FAM120AOS: variants seen among roughly 807,000 people sequenced by gnomAD.
FAM120AOS encodes family with sequence similarity 120 member A opposite strand.
In FAM120AOS, 15 loss-of-function variants were observed where a neutral mutation model predicts 20.2. The ratio of observed to expected loss-of-function variants is 0.74; its 90% confidence interval spans 0.50 to 1.15. FAM120AOS has a LOEUF of 1.15. FAM120AOS is among the 50% of genes most tolerant of loss of function. The pLI, the probability that FAM120AOS is intolerant of heterozygous loss-of-function variation, is 0.00. For missense variants in FAM120AOS, 327 were observed against 351.9 expected (o/e 0.93, Z 0.57); for synonymous variants, 154 against 154.0 (o/e 1.00, Z 0.00).
rs1856796907 is a variant in FAM120AOS, at chr9:93,444,908, C to T, written c.*2703G>A. Among the ~76,000 whole-genome samples the T allele has an allele frequency of 6.6e-6, 1 of 152,118 alleles. No homozygotes were observed. Among genetic ancestry groups the T allele is most frequent in the South Asian group, 2.1e-4 (1 of 4,834 alleles). ...GGATTACAGGAATGAGCCACTGCAC[C>T]CGGCCAGTTCTGCATTTCTTAAGAG... On this transcript the variant is annotated 3_prime_UTR_variant, in exon 3 of 3. Coordinates refer to ENST00000375412, the MANE Select transcript of FAM120AOS (RefSeq NM_198841.4).
rs752354367 is a variant in FAM120AOS, at chr9:93,443,498, A to G, written c.*4113T>C. ...TGGAAGGTCATTTTTACAGTTCTGA[A>G]CTGCTGTGCAGTGAGGACTGTCTGT... On this transcript the variant is annotated 3_prime_UTR_variant, in exon 3 of 3. Transcript: ENST00000375412. 3.9e-5 allele frequency among the ~76,000 whole-genome samples: 6 copies of G among 152,218 alleles called. No individual in the cohort carries two copies. The highest frequency in any genetic ancestry group is 7.3e-5 in the Non-Finnish European group (5 of 68,036).
chr9:93,448,423 A>C, intron 2 of FAM120AOS: 1 of 201,600 alleles, frequency 5.0e-6, no homozygotes, highest in Non-Finnish European at 1.1e-5. Flanking sequence ...AACCTGGGAG[A>C]GGGAGGTTGC....
intron 1 of FAM120AOS, chr9:93,451,447 G>C: frequency 1.6e-6 from 2 of 1,226,036 alleles, no homozygotes; most frequent in Non-Finnish European, 2.1e-6. Context: ...TGAGGCGGGC[G>C]AACGGCCTCT....
rs114589685 is a variant in FAM120AOS, at chr9:93,451,304, A to C, written c.564-705T>G. The C allele has an allele frequency of 1.1e-3, 1,603 of 1,455,442 alleles. 26 individuals are homozygous for C. The African/African-American group carries it at 0.021, about 19-fold the overall frequency. 90.2% of individuals were successfully genotyped at this position (1,455,442 alleles called of 1,614,324 possible). On this transcript the variant is annotated intron_variant, in intron 1 of 2. Coordinates refer to ENST00000375412, the MANE Select transcript of FAM120AOS (RefSeq NM_198841.4). ...GCGCCATCTTATCGCTGCTTCCCTC[A>C]GGAGCAGGCGAGCTCTTCCCCAGGA... is the stretch of plus-strand genomic sequence containing the variant.
At chr9:93,450,975 G>T in intron 1 of FAM120AOS, 1 of 1,481,572 alleles carries the variant, frequency 6.7e-7, no homozygotes, top group South Asian at 1.2e-5. Flanking sequence ...CTTCCGTGAC[G>T]AGCAGGCGCT....
At position 93,446,721 on chromosome 9, in the gene FAM120AOS, T is replaced by C. The variant is rs532369296; in HGVS notation, c.*890A>G. ...CTCTTGGAGTTGCCTAGAGAGTCTATAGCACTCATCTGAAGGCCCTCCATG... is the reference window on the plus strand; with the variant it reads ...CTCTTGGAGTTGCCTAGAGAGTCTACAGCACTCATCTGAAGGCCCTCCATG... On this transcript the variant is annotated 3_prime_UTR_variant, in exon 3 of 3. Coordinates refer to ENST00000375412, the MANE Select transcript of FAM120AOS (RefSeq NM_198841.4). 2.0e-5 allele frequency: 3 copies of C among 152,276 alleles called. No individual in the cohort carries two copies. The highest frequency in any genetic ancestry group is 2.9e-5 in the Non-Finnish European group (2 of 68,036). The allele number at this position is 152,276 out of a possible 1,614,324, so 9.4% of individuals were successfully genotyped here. A position where few individuals can be genotyped will look rare whatever the true frequency, so the allele number is the denominator to read the frequency against.
At position 93,445,594 on chromosome 9, in the gene FAM120AOS, T is replaced by G. The variant is rs979978510; in HGVS notation, c.*2017A>C. On this transcript the variant is annotated 3_prime_UTR_variant, in exon 3 of 3. Coordinates refer to ENST00000375412, the MANE Select transcript of FAM120AOS (RefSeq NM_198841.4). ...TCATAAAAATCGTTGTTTTTTTTTT[T>G]TTTTTTTTTTTTTGAGACAAGGCCT... Among the ~76,000 whole-genome samples the G allele has an allele frequency of 1.4e-5, 2 of 143,298 alleles. No homozygotes were observed. Among genetic ancestry groups the G allele is most frequent in the African/African-American group, 2.6e-5 (1 of 37,914 alleles). The allele number at this position is 143,298 out of a possible 152,430, so 94.0% of individuals were successfully genotyped here.
Position 93,445,728 on chromosome 9 carries a change from C to A in FAM120AOS, c.*1883G>T, listed in dbSNP as rs1475490510. Among the ~76,000 whole-genome samples, 1 of 151,772 alleles carries A rather than the reference C, an allele frequency of 6.6e-6. No individual in the cohort carries two copies. The highest frequency in any genetic ancestry group is 1.5e-5 in the Non-Finnish European group (1 of 68,002). On this transcript the variant is annotated 3_prime_UTR_variant, in exon 3 of 3. Coordinates refer to ENST00000375412, the MANE Select transcript of FAM120AOS (RefSeq NM_198841.4). ...ACCTCAGCCTCCTGAGAAGATGGGA[C>A]TACAGGTGCACACCTCACCTGGCTA...
intron 1 of FAM120AOS, chr9:93,451,544 C>A (rs1157087846): frequency 8.1e-6 from 8 of 986,858 alleles, no homozygotes; most frequent in Non-Finnish European, 9.6e-6. Flanking sequence ...GCCGCCGCCT[C>A]CGGGAGCCCC....
Position 93,447,661 on chromosome 9 carries a change from T to C in FAM120AOS, c.721A>G (p.Lys241Glu), listed in dbSNP as rs10821128. ...AGTGTTGGTGGTTTTGTGGTTTTCT[T>C]TGAGACTTTGTTATTGACAGAACAG... ...RSCSVNNKVS[K>E]KTTKPPTLRS... The change falls in exon 3 of 3, where the codon AAG (lysine) becomes GAG (glutamate). Residue 241 changes from lysine (K) to glutamate (E), a missense_variant. Physicochemically the swap from Lys to Glu is moderately conservative, Grantham distance 56 (BLOSUM62 1). This residue lies in a region of FAM120AOS where 86 missense variants were observed against 82.9 expected (regional missense o/e 1.04). Coordinates refer to ENST00000375412, the MANE Select transcript of FAM120AOS (RefSeq NM_198841.4). 505,334 of 1,611,902 alleles carry C rather than the reference T, an allele frequency of 0.31. 84,007 individuals are homozygous for C. The highest frequency in any genetic ancestry group is 0.47 in the East Asian group (20,874 of 44,858).
At position 93,452,114 on chromosome 9, in the gene FAM120AOS, A is replaced by G; in HGVS notation, c.563+33T>C. The G allele has an allele frequency of 1.2e-6, 2 of 1,610,396 alleles. No individual in the cohort carries two copies. Among genetic ancestry groups the G allele is most frequent in the Non-Finnish European group, 8.5e-7 (1 of 1,179,410 alleles). The stretch of plus-strand genomic sequence containing the variant: ...CGGCGGCTTCTACACCGACTGGGTC[A>G]GCGGCGGCCAGTGGAACCACATGCT... On this transcript the variant is annotated intron_variant, in intron 1 of 2. Transcript: ENST00000375412. This position sits in a 1 kb window ranked among gnomAD's most constrained non-coding sequence, Gnocchi z 7.0.
At chr9:93,448,084 A>G (rs1482709987) in intron 2 of FAM120AOS, among the ~76,000 whole-genome samples, 7 of 152,224 alleles carry the variant, frequency 4.6e-5, no homozygotes, top group Non-Finnish European at 8.8e-5. Context: ...CTGGTCTCCC[A>G]ACATCTGCTA....
rs1439246026 is a variant in FAM120AOS, at chr9:93,447,710, A to C, written c.685-13T>G. 3 of 1,600,214 alleles carry C rather than the reference A, an allele frequency of 1.9e-6. No individual in the cohort carries two copies. Among genetic ancestry groups the C allele is most frequent in the Non-Finnish European group, 2.6e-6 (3 of 1,170,400 alleles). ...AGCTTCTGGAAATCTGAAAAGAAAA[A>C]AAAAAAGGTAGTTTATATATTAGTT... On this transcript the variant is annotated splice_polypyrimidine_tract_variant and intron_variant, in intron 2 of 2. Coordinates refer to ENST00000375412, the MANE Select transcript of FAM120AOS (RefSeq NM_198841.4).
rs991899754 is a variant in FAM120AOS, at chr9:93,445,302, T to A, written c.*2309A>T. On this transcript the variant is annotated 3_prime_UTR_variant, in exon 3 of 3. Coordinates refer to ENST00000375412, the MANE Select transcript of FAM120AOS (RefSeq NM_198841.4). ...AGGTCTGAGAAAAAATAAAAAAAAA[T>A]TGTGTATAGTTTTGGTGAGATCGTC... Among the ~76,000 whole-genome samples, 1 of 149,998 alleles carries A rather than the reference T, an allele frequency of 6.7e-6. No homozygotes were observed. Among genetic ancestry groups the A allele is most frequent in the East Asian group, 1.9e-4 (1 of 5,144 alleles).
intron 1 of FAM120AOS, chr9:93,450,985 T>A: frequency 2.6e-6 from 4 of 1,521,028 alleles, no homozygotes; most frequent in Non-Finnish European, 8.9e-7. Flanking sequence ...GAGCAGGCGC[T>A]TAGGGCTACC....
At position 93,445,330 on chromosome 9, in the gene FAM120AOS, T is replaced by A. The variant is rs1376147005; in HGVS notation, c.*2281A>T. Among the ~76,000 whole-genome samples the A allele has an allele frequency of 6.6e-6, 1 of 152,146 alleles. No homozygotes were observed. Among genetic ancestry groups the A allele is most frequent in the Non-Finnish European group, 1.5e-5 (1 of 68,040 alleles). ...TGTATAGTTTTGGTGAGATCGTCAA[T>A]CCAGGAACCTGTTTCCCCATATTAA... On this transcript the variant is annotated 3_prime_UTR_variant, in exon 3 of 3. Coordinates refer to ENST00000375412, the MANE Select transcript of FAM120AOS (RefSeq NM_198841.4).
In FAM120AOS at chr9:93,453,262, T is replaced by C. The variant is rs1018131308; in HGVS notation, c.-553A>G. The C allele has an allele frequency of 2.2e-5, 22 of 991,334 alleles. No individual in the cohort carries two copies. The highest frequency in any genetic ancestry group is 2.5e-5 in the Non-Finnish European group (21 of 834,258). 61.4% of individuals were successfully genotyped at this position (991,334 alleles called of 1,614,324 possible). A position where few individuals can be genotyped will look rare whatever the true frequency, so the allele number is the denominator to read the frequency against. On this transcript the variant is annotated 5_prime_UTR_variant, in exon 1 of 3. Coordinates refer to ENST00000375412, the MANE Select transcript of FAM120AOS (RefSeq NM_198841.4). The stretch of plus-strand genomic sequence containing the variant: ...GCCCTGACGGGTGGGTAATCAGAGC[T>C]CTATATCACCGGCCTCCTCTGGCCC...
Position 93,447,667 on chromosome 9 carries a change from C to A in FAM120AOS, c.715G>T (p.Val239Phe), listed in dbSNP as rs950012601. Residue 239 changes from valine (V) to phenylalanine (F), a missense_variant, in exon 3 of 3, where the codon GTC becomes TTC. By Grantham distance (50) the Val-to-Phe change is conservative. This residue lies in a region of FAM120AOS where 86 missense variants were observed against 82.9 expected (regional missense o/e 1.04). Coordinates refer to ENST00000375412, the MANE Select transcript of FAM120AOS (RefSeq NM_198841.4). ...GGTGGTTTTGTGGTTTTCTTTGAGA[C>A]TTTGTTATTGACAGAACAGCTTCTG... is the stretch of plus-strand genomic sequence containing the variant. Reference protein sequence around the residue: ...ISRSCSVNNKVSKKTTKPPTL... With the variant: ...ISRSCSVNNKFSKKTTKPPTL... 9 of 1,612,404 alleles carry A rather than the reference C, an allele frequency of 5.6e-6. No homozygotes were observed. The highest frequency in any genetic ancestry group is 6.8e-6 in the Non-Finnish European group (8 of 1,179,528).
intron 2 of FAM120AOS, 149 bp from the exon 3 acceptor site, chr9:93,447,846 G>A: frequency 1.5e-6 from 1 of 680,944 alleles, no homozygotes; most frequent in Non-Finnish European, 2.4e-6. Context: ...AGAGATAGCA[G>A]AGCCTGAAGA....
Sources: allele counts gnomAD v4.1 joint callset (sites outside exome capture counted in the v4.1 genomes callset), GRCh38; gene constraint gnomAD v4.1.1; regional missense constraint gnomAD v4.1.1; non-coding constraint Gnocchi (gnomAD v3.1); transcripts MANE v1.5; gene names NCBI Gene and HGNC (gene_info 2026-07-23, HGNC 2026-07-21).